Variants in TSPAN1 observed in about 807,000 individuals in gnomAD.
TSPAN1 encodes the protein tetraspanin 1, also known as tetraspanin-1.
In TSPAN1, 23 loss-of-function variants were observed where a neutral mutation model predicts 26.9. The observed-to-expected ratio is 0.85, with a 90% confidence interval of 0.62 to 1.21. The LOEUF is 1.21. Among genes scored for constraint, TSPAN1 ranks in the 50% most tolerant of loss-of-function variants. TSPAN1 has a pLI of 0.00. For missense variants in TSPAN1, 283 were observed against 298.4 expected (o/e 0.95, Z 0.38); for synonymous variants, 115 against 114.8 (o/e 1.00, Z -0.01).
intron 3 of TSPAN1, chr1:46,183,680 T>C: frequency 5.7e-6 from 1 of 174,814 alleles, no homozygotes; most frequent in Non-Finnish European, 1.3e-5. Flanking sequence ...AAATGGGGCC[T>C]CAGGTGGGTG....
At chr1:46,188,828 GT>G (rs1657515621), downstream of TSPAN1, 1 of 1,612,820 alleles carries the variant, frequency 6.2e-7, no homozygotes, top group Non-Finnish European at 8.5e-7. Flanking sequence ...AGCTGGGCCT[GT>G]CCATGGGTTG....
chr1:46,191,113 C>G, the TSPAN1 span: 1 of 364,850 alleles, frequency 2.7e-6, no homozygotes, highest in South Asian at 2.2e-5. Context: ...ACAGGCCCTG[C>G]AGGAGGTGGT....
At chr1:46,190,691 C>T (rs1657696484), downstream of TSPAN1, 5 of 1,595,438 alleles carry the variant, frequency 3.1e-6, no homozygotes, top group African/African-American at 2.7e-5. Flanking sequence ...TCCTAGATAT[C>T]CACCCCTTGC....
chr1:46,181,022 C>A, intron 2 of TSPAN1, 78 bp from the exon 3 acceptor site: 1 of 1,284,686 alleles, frequency 7.8e-7, no homozygotes, highest in Non-Finnish European at 1.1e-6. Flanking sequence ...GCATATCTGG[C>A]TGAATATCTG....
chr1:46,182,313 A>AAAAAAAAAAAAAAAAAAAAAAAAAAAAAC (rs1256911000), intron 3 of TSPAN1, among the ~76,000 whole-genome samples: 3 of 145,452 alleles, frequency 2.1e-5, no homozygotes, highest in Non-Finnish European at 4.5e-5. Flanking sequence ...GCAAAAAAAA[A>AAAAAAAAAAAAAAAAAAAAAAAAAAAAAC]AAAAGCCACT....
the TSPAN1 span, chr1:46,192,605 G>C: frequency 2.5e-6 from 4 of 1,613,646 alleles, no homozygotes; most frequent in Non-Finnish European, 1.7e-6. Flanking sequence ...GAGAGGCAGG[G>C]TCAAAGAGTT....
chr1:46,188,383 A>G (rs1348654297), downstream of TSPAN1, among the ~76,000 whole-genome samples: 1 of 152,174 alleles, frequency 6.6e-6, no homozygotes, highest in African/African-American at 2.4e-5. Flanking sequence ...CTCTGGGGAC[A>G]GGTGCCCGGC....
At chr1:46,189,106 T>TG, downstream of TSPAN1, 1 of 1,498,972 alleles carries the variant, frequency 6.7e-7, no homozygotes, top group Non-Finnish European at 8.9e-7. Flanking sequence ...AACGGGGTGT[T>TG]GGAGCAGGGG....
chr1:46,182,289 T>C (rs529710758), intron 3 of TSPAN1, among the ~76,000 whole-genome samples: 6 of 5,882 alleles, frequency 1.0e-3, no homozygotes, highest in South Asian at 0.02. Context: ...GGAAACCCAA[T>C]TTATTAGGGA....
the TSPAN1 span, chr1:46,194,839 G>A: frequency 2.7e-5 from 43 of 1,613,878 alleles, no homozygotes; most frequent in Non-Finnish European, 3.1e-5. Context: ...CTCTGATGCC[G>A]GCACCTCCTT....
the TSPAN1 span, chr1:46,194,768 C>T: frequency 2.5e-6 from 4 of 1,613,494 alleles, no homozygotes; most frequent in Non-Finnish European, 2.5e-6. Flanking sequence ...TTGTTCCCCA[C>T]CCCACCCCAT....
chr1:46,192,607 C>G, the TSPAN1 span: 1 of 1,613,406 alleles, frequency 6.2e-7, no homozygotes, highest in Non-Finnish European at 8.5e-7. Flanking sequence ...GAGGCAGGGT[C>G]AAAGAGTTCA....
chr1:46,181,062 G>A, intron 2 of TSPAN1, 38 bp from the exon 3 acceptor site: 1 of 1,601,366 alleles, frequency 6.2e-7, no homozygotes, highest in Non-Finnish European at 8.6e-7. Flanking sequence ...TGGGCCCAGG[G>A]GAAACAAGGC....
At chr1:46,180,769 G>T (rs764468247) in intron 2 of TSPAN1, 111 bp downstream of exon 2, 6 of 337,088 alleles carry the variant, frequency 1.8e-5, no homozygotes, top group East Asian at 6.4e-5. Flanking sequence ...GGGTTAGTGT[G>T]GGGGGGAGCA....
In TSPAN1 at chr1:46,185,313, G is replaced by A; in HGVS notation, c.678+5G>A. 2 of 1,614,030 alleles carry A rather than the reference G, an allele frequency of 1.2e-6. No individual in the cohort carries two copies. Among genetic ancestry groups the A allele is most frequent in the South Asian group, 1.1e-5 (1 of 91,070 alleles). On this transcript the variant is annotated splice_donor_5th_base_variant and intron_variant, in intron 8 of 8. Transcript: ENST00000372003. Reference sequence around the variant, plus strand: ...GCTGGAATTGGGGGCCTCGAGGTAAGCAGATGAGGAGGCTGGGACTGGGAC... The same window carrying A: ...GCTGGAATTGGGGGCCTCGAGGTAAACAGATGAGGAGGCTGGGACTGGGAC...
Position 46,185,363 on chromosome 1 carries a change from A to G in TSPAN1, c.678+55A>G, listed in dbSNP as rs897031161. On this transcript the variant is annotated intron_variant, in intron 8 of 8. Coordinates refer to ENST00000372003, the MANE Select transcript of TSPAN1 (RefSeq NM_005727.4). ...CATGGGCATGAGACCAGGGCTGCTC[A>G]ACCCATCTGAGGCCTCTCTGGAGGA... The G allele has an allele frequency of 8.7e-6, 14 of 1,611,122 alleles. No homozygotes were observed. The African/African-American group carries it at 1.9e-4, about 22-fold the overall frequency.
At chr1:46,193,859 A>G in the TSPAN1 span, 1 of 1,614,116 alleles carries the variant, frequency 6.2e-7, no homozygotes, top group East Asian at 2.2e-5. Flanking sequence ...GCTTACCTGT[A>G]CAGGTAATTG....
In TSPAN1 at chr1:46,184,648, G is replaced by A. The variant is rs375028085; in HGVS notation, c.319G>A (p.Ala107Thr). The A allele has an allele frequency of 2.8e-4, 448 of 1,614,084 alleles. No homozygotes were observed. The highest frequency in any genetic ancestry group is 6.9e-4 in the East Asian group (31 of 44,886). Residue 107 changes from alanine (A) to threonine (T), a missense_variant, in exon 5 of 9, where the codon GCC becomes ACC. By Grantham distance (58) the Ala-to-Thr change is moderately conservative. Transcript: ENST00000372003. ...FIAEVAAAVV[A>T]LVYTTMAEHF... ...TGCTGAGGTTGCAGCTGCTGTGGTC[G>A]CCTTGGTGTACACCACAATGGTGAG...
intron 1 of TSPAN1, chr1:46,176,409 C>A: frequency 6.5e-7 from 1 of 1,535,776 alleles, no homozygotes; most frequent in Non-Finnish European, 8.7e-7. Flanking sequence ...CCATACCTGG[C>A]CTGCGGTAGG....
Sources: allele counts gnomAD v4.1 joint callset (sites outside exome capture counted in the v4.1 genomes callset), GRCh38; gene constraint gnomAD v4.1.1; transcripts MANE v1.5; gene names NCBI Gene and HGNC (gene_info 2026-07-23, HGNC 2026-07-21).